FIBCD1: variants seen among roughly 807,000 people sequenced by gnomAD.
FIBCD1 encodes the protein fibrinogen C domain containing 1.
A neutral mutation model predicts 45.1 loss-of-function variants in FIBCD1; 47 were observed. The observed-to-expected ratio is 1.04, with a 90% CI of 0.82 to 1.33. FIBCD1 has a LOEUF of 1.33. FIBCD1 is among the 40% of genes most tolerant of loss of function. The pLI, the probability that FIBCD1 is intolerant of heterozygous loss-of-function variation, is 0.00. For missense variants in FIBCD1, 653 were observed against 682.2 expected, an observed-to-expected ratio of 0.96 and a Z score of 0.48; for synonymous variants, 313 against 308.1, an observed-to-expected ratio of 1.02 and a Z score of -0.17.
At chr9:130,930,864 C>A (rs1832438569) in intron 1 of FIBCD1, 1 of 454,306 alleles carries the variant, frequency 2.2e-6, no homozygotes, top group Non-Finnish European at 4.4e-6. Context: ...TGTGATGCAA[C>A]AGCAGCGATG....
chr9:130,906,202 G>A (rs746311283), intron 5 of FIBCD1, among the ~76,000 whole-genome samples: 12 of 152,006 alleles, frequency 7.9e-5, no homozygotes, highest in Non-Finnish European at 5.9e-5. Context: ...GCCCATCCCC[G>A]GGGTCTCATG....
At chr9:130,917,805 G>A (rs981681590) in intron 4 of FIBCD1, among the ~76,000 whole-genome samples, 4 of 152,190 alleles carry the variant, frequency 2.6e-5, no homozygotes, top group Admixed American at 6.5e-5. Context: ...TGAGAAGACT[G>A]AGGCTTGGAG....
In FIBCD1 at chr9:130,922,413, G is replaced by A. The variant is rs1257472023; in HGVS notation, c.849+1331C>T. Among the ~76,000 whole-genome samples the A allele has an allele frequency of 1.3e-5, 2 of 152,166 alleles. No individual in the cohort carries two copies. Among genetic ancestry groups the A allele is most frequent in the East Asian group, 3.9e-4 (2 of 5,182 alleles). ...GCTTGCAGTTAAGAGGTCTAAGGATGTAGGTGGGCATCCCCGTTTCACAGC... is the reference window on the plus strand; with the variant it reads ...GCTTGCAGTTAAGAGGTCTAAGGATATAGGTGGGCATCCCCGTTTCACAGC... On this transcript the variant is annotated intron_variant, in intron 4 of 6. Transcript: ENST00000372338. This position sits in a 1 kb window ranked among gnomAD's most constrained non-coding sequence, Gnocchi z 4.5.
upstream of FIBCD1, among the ~76,000 whole-genome samples, chr9:130,940,156 G>A (rs1832598224): frequency 6.6e-6 from 1 of 152,212 alleles, no homozygotes; most frequent in Non-Finnish European, 1.5e-5. Flanking sequence ...CCCTCTACGC[G>A]TCCGGCACTG....
At chr9:130,929,462 T>G in intron 2 of FIBCD1, 105 bp downstream of exon 2, 2 of 1,398,156 alleles carry the variant, frequency 1.4e-6, no homozygotes, top group Non-Finnish European at 1.9e-6. Flanking sequence ...GTCTGGGGCC[T>G]TGGGGATTAA....
chr9:130,916,224 C>T (rs1832158885), intron 4 of FIBCD1, among the ~76,000 whole-genome samples: 1 of 152,244 alleles, frequency 6.6e-6, no homozygotes, highest in African/African-American at 2.4e-5. Context: ...CCACCGCGCC[C>T]AGCCTTAGTG....
chr9:130,929,920 C>T lies in FIBCD1; in HGVS notation c.199G>A (p.Val67Ile), dbSNP rs767908969. The change falls in exon 2 of 7, where the codon GTC becomes ATC. Residue 67 changes from valine to isoleucine, a missense_variant. Transcript: ENST00000372338. ...AHAPGTAPPP[V>I]VSTGAASANS... ...GCGCTGGCAGCCCCAGTGCTGACGACAGGTGGGGGCGCCGTGCCCGGCGCG... is the reference window on the plus strand; with the variant it reads ...GCGCTGGCAGCCCCAGTGCTGACGATAGGTGGGGGCGCCGTGCCCGGCGCG... The T allele has an allele frequency of 6.5e-7, 1 of 1,549,122 alleles. No homozygotes were observed. The highest frequency in any genetic ancestry group is 1.2e-5 in the South Asian group (1 of 83,960).
chr9:130,912,517 G>A (rs140008684), intron 4 of FIBCD1, among the ~76,000 whole-genome samples: 213 of 152,092 alleles, frequency 1.4e-3, no homozygotes, highest in African/African-American at 4.5e-3. Context: ...GACCAGCCTG[G>A]TCAACGTGGG....
intron 2 of FIBCD1, among the ~76,000 whole-genome samples, chr9:130,928,995 C>T (rs1832401353): frequency 6.6e-6 from 1 of 151,760 alleles, no homozygotes; most frequent in South Asian, 2.1e-4. Context: ...TGGCTGGAGC[C>T]TGGCTTGGCT....
Position 130,903,720 on chromosome 9 carries a change from G to T in FIBCD1, c.*344C>A, listed in dbSNP as rs566489846. On this transcript the variant is annotated 3_prime_UTR_variant, in exon 7 of 7. Transcript: ENST00000372338. ...TAATGCCGGGTATTTGGCCGGGCAG[G>T]GCAGAGGGTGCCTGGGGCAGACTCC... 1.4e-5 allele frequency: 6 copies of T among 440,852 alleles called. No individual in the cohort carries two copies. Among genetic ancestry groups the T allele is most frequent in the African/African-American group, 2.0e-5 (1 of 49,986 alleles). The allele number at this position is 440,852 out of a possible 1,614,324, so 27.3% of individuals were successfully genotyped here.
At chr9:130,919,016 A>G (rs1266086653) in intron 4 of FIBCD1, among the ~76,000 whole-genome samples, 1 of 152,034 alleles carries the variant, frequency 6.6e-6, no homozygotes, top group East Asian at 1.9e-4. Flanking sequence ...TTGACTGAAA[A>G]CGGTACCCCC....
intron 4 of FIBCD1, among the ~76,000 whole-genome samples, chr9:130,920,861 G>A (rs1832249093): frequency 6.6e-6 from 1 of 152,206 alleles, no homozygotes; most frequent in Non-Finnish European, 1.5e-5. Context: ...CTGTCCACCA[G>A]GCTGGGAGCC....
rs1156470775 is a variant in FIBCD1, at chr9:130,904,407, C to T, written c.1127-84G>A. The T allele has an allele frequency of 7.9e-6, 12 of 1,512,528 alleles. No homozygotes were observed. In the East Asian group the frequency reaches 2.7e-4, roughly 34 times the overall value. The allele number at this position is 1,512,528 out of a possible 1,614,324, so 93.7% of individuals were successfully genotyped here. On this transcript the variant is annotated intron_variant, in intron 6 of 6. Coordinates refer to ENST00000372338, the MANE Select transcript of FIBCD1 (RefSeq NM_032843.5). ...GCATGTGTGAGCAGACACCGAGACA[C>T]TGCACGTGCACCTGGACGTGAGTGC...
Position 130,938,680 on chromosome 9 carries a change from G to A in FIBCD1, c.-73C>T. 1.0e-6 allele frequency: 1 copy of A among 1,003,264 alleles called. No homozygotes were observed. Among genetic ancestry groups the A allele is most frequent in the Non-Finnish European group, 1.3e-6 (1 of 793,792 alleles). 62.1% of individuals were successfully genotyped at this position (1,003,264 alleles called of 1,614,324 possible). A position where few individuals can be genotyped will look rare whatever the true frequency, so the allele number is the denominator to read the frequency against. ...AGCGCAAAGGAGACGGGGTGGGCGC[G>A]GGCGCGGGCGCGGGGCGCGCTCTGT... On this transcript the variant is annotated 5_prime_UTR_variant, in exon 1 of 7. Transcript: ENST00000372338.
rs1174615057 is a variant in FIBCD1, at chr9:130,922,692, C to A, written c.849+1052G>T. ...AGTCACCTCTCCTGAAGCACAGTCC[C>A]CATCCCGTCTTCCTCTCTTCAACAC... On this transcript the variant is annotated intron_variant, in intron 4 of 6. Transcript: ENST00000372338. This position sits in a 1 kb window ranked among gnomAD's most constrained non-coding sequence, Gnocchi z 4.5. Among the ~76,000 whole-genome samples, 2 of 152,118 alleles carry A rather than the reference C, an allele frequency of 1.3e-5. No individual in the cohort carries two copies. The highest frequency in any genetic ancestry group is 2.9e-5 in the Non-Finnish European group (2 of 68,012).
At position 130,938,976 on chromosome 9, in the gene FIBCD1, C is replaced by G. The variant is rs1044113296; in HGVS notation, c.-369G>C. On this transcript the variant is annotated 5_prime_UTR_variant, in exon 1 of 7. Transcript: ENST00000372338. ...CGGACTCTCTTTGCTTTTTATTGCTCCCCTCGGCCTCCCCCGACACACTCA... is the reference window on the plus strand; with the variant it reads ...CGGACTCTCTTTGCTTTTTATTGCTGCCCTCGGCCTCCCCCGACACACTCA... 3 of 152,234 alleles carry G rather than the reference C, an allele frequency of 2.0e-5. No homozygotes were observed. The East Asian group carries it at 5.8e-4, about 29-fold the overall frequency. The allele number at this position is 152,234 out of a possible 1,614,324, so 9.4% of individuals were successfully genotyped here.
At chr9:130,937,967 G>A (rs1832546075) in intron 1 of FIBCD1, 1 of 152,410 alleles carries the variant, frequency 6.6e-6, no homozygotes, top group Admixed American at 6.5e-5. Context: ...CCATCTCTGA[G>A]CCCTGCTTTC....
chr9:130,925,698 G>A (rs187423006), intron 2 of FIBCD1, among the ~76,000 whole-genome samples: 42 of 152,280 alleles, frequency 2.8e-4, no homozygotes, highest in South Asian at 4.1e-4. Context: ...CCTGTGTTGA[G>A]TGCCTGAAGG....
chr9:130,904,588 C>T (rs150572959), intron 6 of FIBCD1, among the ~76,000 whole-genome samples: 1 of 100,422 alleles, frequency 1.0e-5, no homozygotes, highest in African/African-American at 3.1e-5. Context: ...CTCTATCCCT[C>T]CCCCCAGCTT....
Sources: gnomAD v4.1 joint callset for allele counts (sites outside exome capture counted in the v4.1 genomes callset) on GRCh38, gnomAD v4.1.1 for gene constraint, Gnocchi (gnomAD v3.1) non-coding constraint, MANE v1.5 for transcripts, NCBI Gene and HGNC (gene_info 2026-07-23, HGNC 2026-07-21) for gene names.